Variants in FAXC observed in about 807,000 individuals in gnomAD.
The protein encoded by FAXC is failed axon connections homolog.
A neutral mutation model predicts 41.9 loss-of-function variants in FAXC; 10 were observed. The observed-to-expected ratio is 0.24, with a 90% confidence interval of 0.15 to 0.41. The LOEUF (loss-of-function observed/expected upper bound fraction) is 0.41, where lower values mean the gene tolerates loss of function less well. Ranked by LOEUF, FAXC falls within the 10% of genes least tolerant of loss-of-function variation. The pLI is 1.00. For synonymous variants in FAXC, 183 were observed against 183.8 expected (o/e 1.00, Z 0.03); for missense variants, 399 against 510.9 (o/e 0.78, Z 2.11).
intron 5 of FAXC, among the ~76,000 whole-genome samples, chr6:99,286,039 G>A (rs1460742880): frequency 3.9e-5 from 6 of 152,216 alleles, no homozygotes; most frequent in East Asian, 1.9e-4. Flanking sequence ...CCTTGGTCAC[G>A]AACCAGCAAT....
chr6:99,299,564 C>T (rs886743721), intron 4 of FAXC, among the ~76,000 whole-genome samples: 1 of 152,156 alleles, frequency 6.6e-6, no homozygotes, highest in African/African-American at 2.4e-5. Context: ...CCCTCTCTCA[C>T]CTTTCATTAA....
chr6:99,318,301 ACAC>A (rs1472398147), intron 4 of FAXC, among the ~76,000 whole-genome samples: 4 of 143,194 alleles, frequency 2.8e-5, no homozygotes, highest in East Asian at 2.0e-4. Flanking sequence ...ACACACACAC[ACAC>A]ACAAAATAGA....
intron 5 of FAXC, 73 bp from the exon 6 acceptor site, chr6:99,281,526 C>T: frequency 8.5e-7 from 1 of 1,181,654 alleles, no homozygotes; most frequent in Non-Finnish European, 1.2e-6. Context: ...TCTGTGTTGC[C>T]CCAAAACTCC....
Position 99,333,523 on chromosome 6 carries a change from CAG to C in FAXC, c.425_426del (p.Ser142CysfsTer9). The stretch of plus-strand genomic sequence containing the variant: ...TCAATCCAAGGCATTTTCCCTTGAG[CAG>C]AGAGTTTTCCACCAAAATAGTTCTA... ...PYQNYFGGKL[S>X]AQGKMPWIEY... On this transcript the variant is annotated frameshift_variant, in exon 3 of 6. Coordinates refer to ENST00000389677, the MANE Select transcript of FAXC (RefSeq NM_032511.4). LOFTEE classifies it high-confidence loss of function. The C allele has an allele frequency of 6.2e-7, 1 of 1,610,934 alleles. No homozygotes were observed. Among genetic ancestry groups the C allele is most frequent in the Non-Finnish European group, 8.5e-7 (1 of 1,179,118 alleles).
chr6:99,308,875 ATT>A (rs1554200215), intron 4 of FAXC, among the ~76,000 whole-genome samples: 1 of 152,112 alleles, frequency 6.6e-6, no homozygotes, highest in Non-Finnish European at 1.5e-5. Context: ...TTTTTTTCCA[ATT>A]TTTTAAAATT....
At chr6:99,305,834 C>A (rs979648309) in intron 4 of FAXC, among the ~76,000 whole-genome samples, 2 of 151,902 alleles carry the variant, frequency 1.3e-5, no homozygotes, top group African/African-American at 4.8e-5. Context: ...CAGTTCTTAT[C>A]AATATTAATC....
At chr6:99,346,244 G>C (rs913525053) in intron 1 of FAXC, among the ~76,000 whole-genome samples, 5 of 152,136 alleles carry the variant, frequency 3.3e-5, no homozygotes, top group African/African-American at 1.2e-4. Flanking sequence ...TGACCTTCCT[G>C]CCTGGTTTTT....
chr6:99,327,401 A>G (rs981444122), intron 3 of FAXC, among the ~76,000 whole-genome samples: 19 of 152,144 alleles, frequency 1.2e-4, no homozygotes, highest in Middle Eastern at 3.2e-3. Flanking sequence ...CTCTACCCCA[A>G]CTACTCCACC....
chr6:99,347,389 G>C (rs914938582), intron 1 of FAXC, among the ~76,000 whole-genome samples: 1 of 139,174 alleles, frequency 7.2e-6, no homozygotes, highest in African/African-American at 2.8e-5. Context: ...GCGACAAAGC[G>C]AGACTCAGTC....
chr6:99,314,930 G>T (rs1314204909), intron 4 of FAXC, among the ~76,000 whole-genome samples: 1 of 151,978 alleles, frequency 6.6e-6, no homozygotes, highest in African/African-American at 2.4e-5. Context: ...CTTTCAGAAT[G>T]CTGCTTAAAT....
chr6:99,312,632 T>G (rs1392156561), intron 4 of FAXC, among the ~76,000 whole-genome samples: 1 of 152,064 alleles, frequency 6.6e-6, no homozygotes, highest in Non-Finnish European at 1.5e-5. Context: ...CAGCTTAAGT[T>G]TCCAGCTACT....
intron 4 of FAXC, among the ~76,000 whole-genome samples, chr6:99,293,407 G>A (rs925415717): frequency 1.3e-5 from 2 of 152,112 alleles, no homozygotes; most frequent in Non-Finnish European, 2.9e-5. Flanking sequence ...CTATCCATCC[G>A]TCAAGGTCCA....
chr6:99,342,811 T>C, intron 2 of FAXC, 87 bp downstream of exon 2: 1 of 1,328,612 alleles, frequency 7.5e-7, no homozygotes, highest in Non-Finnish European at 1.0e-6. Context: ...GCATCCACTG[T>C]GTGAGACGAA....
chr6:99,344,816 G>A (rs1051601738), intron 1 of FAXC, among the ~76,000 whole-genome samples: 6 of 152,184 alleles, frequency 3.9e-5, no homozygotes, highest in African/African-American at 7.2e-5. Context: ...TTTCAGAACC[G>A]ACAGGAGAGG....
At position 99,279,966 on chromosome 6, in the gene FAXC, CAAA is replaced by C. The variant is rs920866467; in HGVS notation, c.*1195_*1197del. ...AATACATCTTTGCAAGGTTTGTTTT[CAAA>C]AAGACATTACAAGTTGGCAGGCTTC... On this transcript the variant is annotated 3_prime_UTR_variant, in exon 6 of 6. Coordinates refer to ENST00000389677, the MANE Select transcript of FAXC (RefSeq NM_032511.4). The C allele has an allele frequency of 6.6e-6, 1 of 152,096 alleles. No individual in the cohort carries two copies. The highest frequency in any genetic ancestry group is 6.6e-5 in the Admixed American group (1 of 15,266). 9.4% of individuals were successfully genotyped at this position (152,096 alleles called of 1,614,324 possible).
chr6:99,342,868 T>C, intron 2 of FAXC, 30 bp downstream of exon 2: 1 of 1,571,056 alleles, frequency 6.4e-7, no homozygotes, highest in Non-Finnish European at 8.6e-7. Flanking sequence ...ACTGATGTCA[T>C]AAAAAGAAAA....
At chr6:99,318,260 A>AAAACACACAC (rs1294149379) in intron 4 of FAXC, among the ~76,000 whole-genome samples, 1,726 of 64,754 alleles carry the variant, frequency 0.027, 68 homozygotes, top group East Asian at 0.14. Flanking sequence ...CTCCGTCTCA[A>AAAACACACAC]ACACACACAC....
intron 3 of FAXC, among the ~76,000 whole-genome samples, chr6:99,329,368 T>C (rs1187477704): frequency 6.6e-6 from 1 of 152,136 alleles, no homozygotes; most frequent in Non-Finnish European, 1.5e-5. Context: ...TTAATGAAGA[T>C]ATCATGCATT....
At chr6:99,281,583 C>T (rs1473467284) in intron 5 of FAXC, 130 bp from the exon 6 acceptor site, 4 of 754,998 alleles carry the variant, frequency 5.3e-6, no homozygotes, top group Non-Finnish European at 8.7e-6. Context: ...GGAGGTGGGG[C>T]CTTTAAGAGG....
Sources: gnomAD v4.1 joint callset for allele counts (sites outside exome capture counted in the v4.1 genomes callset) on GRCh38, gnomAD v4.1.1 for gene constraint, MANE v1.5 for transcripts, NCBI Gene and HGNC (gene_info 2026-07-23, HGNC 2026-07-21) for gene names.